The following BTBD9 variants were observed in gnomAD, a reference collection of about 807,000 sequenced individuals.
BTBD9 encodes BTB domain containing 9.
Under a neutral mutation model 64.3 loss-of-function variants are expected in BTBD9, and 49 were observed. The observed-to-expected ratio is 0.76, with a 90% CI of 0.61 to 0.97. The LOEUF is 0.97. Among genes scored for constraint, BTBD9 ranks in the 50% least tolerant of loss-of-function variants. The pLI is 0.00. For missense variants in BTBD9, 598 were observed against 762.1 expected, an observed-to-expected ratio of 0.78 and a Z score of 2.53; for synonymous variants, 260 against 274.7, an observed-to-expected ratio of 0.95 and a Z score of 0.53.
intron 6 of BTBD9, among the ~76,000 whole-genome samples, chr6:38,527,928 T>C (rs1773582043): frequency 6.6e-6 from 1 of 151,342 alleles, no homozygotes; most frequent in African/African-American, 2.4e-5. Flanking sequence ...TTAACAACTA[T>C]CCACATAAAA....
chr6:38,538,086 C>T (rs1774104353), intron 6 of BTBD9, among the ~76,000 whole-genome samples: 1 of 152,142 alleles, frequency 6.6e-6, no homozygotes, highest in Admixed American at 6.5e-5. Context: ...AATCTGTACC[C>T]TTACTAATAG....
chr6:38,481,602 T>A (rs1771145300), intron 6 of BTBD9: 1 of 152,154 alleles, frequency 6.6e-6, no homozygotes, highest in Admixed American at 6.5e-5. Flanking sequence ...AGTGCCTGCC[T>A]CCACACTACC....
At chr6:38,493,466 T>C (rs1356435778) in intron 6 of BTBD9, among the ~76,000 whole-genome samples, 1 of 152,240 alleles carries the variant, frequency 6.6e-6, no homozygotes, top group Non-Finnish European at 1.5e-5. Context: ...GTCTCACTCA[T>C]CTCCTATTTG....
chr6:38,300,836 T>A (rs1049853781), intron 7 of BTBD9, among the ~76,000 whole-genome samples: 2 of 152,212 alleles, frequency 1.3e-5, no homozygotes, highest in Non-Finnish European at 2.9e-5. Flanking sequence ...CTTTTCCTAA[T>A]TGAATGCCCT....
At chr6:38,434,173 T>C (rs1326392807) in intron 6 of BTBD9, among the ~76,000 whole-genome samples, 2 of 152,034 alleles carry the variant, frequency 1.3e-5, no homozygotes, top group Non-Finnish European at 2.9e-5. Flanking sequence ...GGGGCAAAAT[T>C]TGCATCTGTA....
At chr6:38,508,123 G>A (rs186380774) in intron 6 of BTBD9, among the ~76,000 whole-genome samples, 10 of 152,024 alleles carry the variant, frequency 6.6e-5, no homozygotes, top group South Asian at 2.1e-4. Flanking sequence ...GTGAGCCACC[G>A]CACCCGGCCA....
intron 6 of BTBD9, among the ~76,000 whole-genome samples, chr6:38,411,970 C>T (rs922014735): frequency 2.0e-5 from 3 of 151,990 alleles, no homozygotes; most frequent in Non-Finnish European, 4.4e-5. Context: ...CACATATACA[C>T]ACACACATAC....
At chr6:38,579,459 T>C (rs1776194915) in intron 5 of BTBD9, among the ~76,000 whole-genome samples, 1 of 152,226 alleles carries the variant, frequency 6.6e-6, no homozygotes, top group African/African-American at 2.4e-5. Flanking sequence ...CTCTGGTACT[T>C]CTGCCATTAT....
intron 9 of BTBD9, among the ~76,000 whole-genome samples, chr6:38,195,996 C>T (rs1469416483): frequency 1.3e-5 from 2 of 152,204 alleles, no homozygotes; most frequent in African/African-American, 2.4e-5. Context: ...TGCCTATTGT[C>T]CAAGGATTTA....
At chr6:38,359,019 C>T (rs1192058713) in intron 6 of BTBD9, among the ~76,000 whole-genome samples, 1 of 152,096 alleles carries the variant, frequency 6.6e-6, no homozygotes, top group Non-Finnish European at 1.5e-5. Context: ...GATCCACCCG[C>T]CTCGGCCTCC....
At chr6:38,236,836 T>C (rs1331938365) in intron 9 of BTBD9, among the ~76,000 whole-genome samples, 3 of 152,188 alleles carry the variant, frequency 2.0e-5, no homozygotes, top group African/African-American at 7.2e-5. Flanking sequence ...GAAGGCACAG[T>C]GGGAGGAAGA....
chr6:38,321,577 CCAA>C (rs1432286582), intron 7 of BTBD9, among the ~76,000 whole-genome samples: 2 of 152,112 alleles, frequency 1.3e-5, no homozygotes, highest in African/African-American at 4.8e-5. Context: ...GATAACACTG[CCAA>C]AGAAAACTGT....
At chr6:38,182,677 A>G (rs200117865) in intron 10 of BTBD9, among the ~76,000 whole-genome samples, 167 of 152,284 alleles carry the variant, frequency 1.1e-3, no homozygotes, top group African/African-American at 3.7e-3. Context: ...CGAGGCTTCC[A>G]GCATCACCCC....
At chr6:38,533,341 G>T (rs890772761) in intron 6 of BTBD9, among the ~76,000 whole-genome samples, 1 of 152,114 alleles carries the variant, frequency 6.6e-6, no homozygotes, top group Non-Finnish European at 1.5e-5. Context: ...CAATAAAGGG[G>T]TCAATTCAGT....
At chr6:38,459,082 G>C (rs927138470) in intron 6 of BTBD9, among the ~76,000 whole-genome samples, 20 of 150,874 alleles carry the variant, frequency 1.3e-4, no homozygotes, top group African/African-American at 4.9e-4. Flanking sequence ...GCAATGGTGT[G>C]ATCTCGGCTC....
intron 6 of BTBD9, among the ~76,000 whole-genome samples, chr6:38,551,450 T>A (rs1230056450): frequency 1.3e-5 from 2 of 152,210 alleles, no homozygotes; most frequent in Non-Finnish European, 2.9e-5. Flanking sequence ...ATCTAACACT[T>A]ACTAAGTGTT....
chr6:38,541,774 T>C (rs1020658264), intron 6 of BTBD9, among the ~76,000 whole-genome samples: 1 of 152,160 alleles, frequency 6.6e-6, no homozygotes, highest in Non-Finnish European at 1.5e-5. Context: ...CATTCTGGGA[T>C]TGACCCACAT....
chr6:38,178,914 G>C (rs1452357920), intron 10 of BTBD9, among the ~76,000 whole-genome samples: 1 of 152,074 alleles, frequency 6.6e-6, no homozygotes, highest in Non-Finnish European at 1.5e-5. Flanking sequence ...GTGCAGGGGG[G>C]CTATCTCAGC....
At chr6:38,536,325 A>G (rs916448504) in intron 6 of BTBD9, among the ~76,000 whole-genome samples, 5 of 152,164 alleles carry the variant, frequency 3.3e-5, no homozygotes, top group African/African-American at 1.2e-4. Flanking sequence ...ACAGGCAATA[A>G]TAAATGCTGT....
Sources: allele counts gnomAD v4.1 joint callset (sites outside exome capture counted in the v4.1 genomes callset), GRCh38; gene constraint gnomAD v4.1.1; transcripts MANE v1.5; gene names NCBI Gene and HGNC (gene_info 2026-07-23, HGNC 2026-07-21).